Variants in MEIKIN observed in about 807,000 individuals in gnomAD.
The protein encoded by MEIKIN is meiosis-specific kinetochore protein.
intron 8 of MEIKIN, among the ~76,000 whole-genome samples, chr5:131,909,007 A>C (rs1435326574): frequency 1.3e-5 from 2 of 152,176 alleles, no homozygotes; most frequent in Non-Finnish European, 2.9e-5. Flanking sequence ...TACCCAAAGC[A>C]ATCTGTAGGT....
At chr5:131,873,493 A>G (rs1441958365) in intron 9 of MEIKIN, among the ~76,000 whole-genome samples, 3 of 152,218 alleles carry the variant, frequency 2.0e-5, no homozygotes, top group Admixed American at 1.3e-4. Flanking sequence ...ACCCAGATTC[A>G]TAAAGCAAGT....
At position 131,865,440 on chromosome 5, in the gene MEIKIN, C is replaced by T. The variant is rs185331951; in HGVS notation, c.775-10606G>A. Among the ~76,000 whole-genome samples, 644 of 152,242 alleles carry T rather than the reference C, an allele frequency of 4.2e-3. 3 individuals carry two copies. Among genetic ancestry groups the T allele is most frequent in the Middle Eastern group, 0.02 (6 of 294 alleles). On this transcript the variant is annotated intron_variant, in intron 9 of 12. Coordinates refer to ENST00000442687, the MANE Select transcript of MEIKIN (RefSeq NM_001303622.2). ...TTCACCATGTTAGCCAGAATGGTCT[C>T]GATCTCCTGACCTTGTGTTCCGCCC...
intron 5 of MEIKIN, among the ~76,000 whole-genome samples, chr5:131,931,173 TTTG>T (rs1359161120): frequency 2.6e-5 from 4 of 152,336 alleles, no homozygotes; most frequent in Non-Finnish European, 4.4e-5. Context: ...AACCACCGTC[TTTG>T]TTGTTATCAG....
At chr5:131,945,297 T>TC (rs1751943375) in intron 1 of MEIKIN, 48 bp from the exon 2 acceptor site, 1 of 399,074 alleles carries the variant, frequency 2.5e-6, no homozygotes, top group Non-Finnish European at 4.4e-6. Context: ...CCCACCGGCT[T>TC]CGGGGGGGTC....
chr5:131,905,467 GA>G (rs944471064), intron 8 of MEIKIN, among the ~76,000 whole-genome samples: 2 of 151,188 alleles, frequency 1.3e-5, no homozygotes, highest in African/African-American at 2.4e-5. Flanking sequence ...AAACTAAGAT[GA>G]AAAAAAACAT....
At chr5:131,830,793 G>A (rs1480760775) in intron 11 of MEIKIN, among the ~76,000 whole-genome samples, 4 of 152,216 alleles carry the variant, frequency 2.6e-5, no homozygotes, top group Non-Finnish European at 5.9e-5. Flanking sequence ...CAAGAGATGA[G>A]TGGAAGTCTG....
chr5:131,815,260 A>G (rs1773081503), intron 12 of MEIKIN, among the ~76,000 whole-genome samples: 1 of 152,170 alleles, frequency 6.6e-6, no homozygotes, highest in Non-Finnish European at 1.5e-5. Context: ...GGATGATGGG[A>G]TGGCCTTTTG....
At chr5:131,855,925 C>T (rs541556008) in intron 9 of MEIKIN, among the ~76,000 whole-genome samples, 2 of 152,288 alleles carry the variant, frequency 1.3e-5, no homozygotes, top group Middle Eastern at 3.4e-3. Context: ...GCTGCCTTTT[C>T]GGCCTTTAGA....
intron 8 of MEIKIN, among the ~76,000 whole-genome samples, chr5:131,896,213 T>A (rs1459995608): frequency 6.6e-6 from 1 of 152,218 alleles, no homozygotes; most frequent in Non-Finnish European, 1.5e-5. Context: ...AGTTTCTTAA[T>A]CATGAGTTCT....
At position 131,807,100 on chromosome 5, in the gene MEIKIN, A is replaced by C; in HGVS notation, c.*136T>G. ...ACAAGAACCTCAGTAGAATTTCAAC[A>C]TAGAGATATATCACAAATAACTGGA... On this transcript the variant is annotated 3_prime_UTR_variant, in exon 13 of 13. Transcript: ENST00000442687. 2 of 395,100 alleles carry C rather than the reference A, an allele frequency of 5.1e-6. No homozygotes were observed. Among genetic ancestry groups the C allele is most frequent in the Middle Eastern group, 1.3e-3 (2 of 1,566 alleles). The allele number at this position is 395,100 out of a possible 1,614,324, so 24.5% of individuals were successfully genotyped here. A position where few individuals can be genotyped will look rare whatever the true frequency, so the allele number is the denominator to read the frequency against.
chr5:131,892,426 T>G (rs1237150885), intron 8 of MEIKIN, among the ~76,000 whole-genome samples: 1 of 152,228 alleles, frequency 6.6e-6, no homozygotes, highest in Non-Finnish European at 1.5e-5. Flanking sequence ...TTTTATTCTT[T>G]TTTCTCTAAA....
intron 8 of MEIKIN, among the ~76,000 whole-genome samples, chr5:131,908,763 G>A (rs1751286179): frequency 6.6e-6 from 1 of 152,154 alleles, no homozygotes; most frequent in Non-Finnish European, 1.5e-5. Context: ...ATAAAAATCA[G>A]TGGCATTTTC....
intron 8 of MEIKIN, among the ~76,000 whole-genome samples, chr5:131,893,145 G>A (rs1750963465): frequency 6.6e-6 from 1 of 151,082 alleles, no homozygotes; most frequent in African/African-American, 2.4e-5. Flanking sequence ...TAAGTCTGCA[G>A]AGGTTACTGC....
chr5:131,860,449 G>T (rs75374027), intron 9 of MEIKIN, among the ~76,000 whole-genome samples: 3,786 of 150,052 alleles, frequency 0.025, 155 homozygotes, highest in African/African-American at 0.088. Flanking sequence ...TGTTTTTTTT[G>T]TTTGTTTGTT....
chr5:131,924,393 T>A (rs750158654), intron 5 of MEIKIN, among the ~76,000 whole-genome samples: 3 of 152,160 alleles, frequency 2.0e-5, no homozygotes, highest in Non-Finnish European at 2.9e-5. Flanking sequence ...TAGAGACACC[T>A]CCATACTGTT....
intron 11 of MEIKIN, among the ~76,000 whole-genome samples, chr5:131,845,972 A>ACACTT (rs1337034388): frequency 6.6e-6 from 1 of 152,232 alleles, no homozygotes; most frequent in Non-Finnish European, 1.5e-5. Flanking sequence ...AAAGACACCC[A>ACACTT]CACTTATTAT....
chr5:131,880,771 T>A (rs1750691117), intron 8 of MEIKIN, among the ~76,000 whole-genome samples: 1 of 152,234 alleles, frequency 6.6e-6, no homozygotes, highest in Non-Finnish European at 1.5e-5. Context: ...GACCTGTGTA[T>A]TTCTTATGTA....
chr5:131,898,811 T>G (rs1328123559), intron 8 of MEIKIN, among the ~76,000 whole-genome samples: 1 of 152,168 alleles, frequency 6.6e-6, no homozygotes, highest in Non-Finnish European at 1.5e-5. Flanking sequence ...GAGTGTCCCG[T>G]TTTTCCATGT....
chr5:131,890,846 G>A (rs1469946891), intron 8 of MEIKIN, among the ~76,000 whole-genome samples: 2 of 151,962 alleles, frequency 1.3e-5, no homozygotes, highest in Non-Finnish European at 2.9e-5. Flanking sequence ...TTTCTCTTGT[G>A]GGCATTTAGT....
Sources: allele counts gnomAD v4.1 joint callset (sites outside exome capture counted in the v4.1 genomes callset), GRCh38; gene constraint gnomAD v4.1.1; transcripts MANE v1.5; gene names NCBI Gene and HGNC (gene_info 2026-07-23, HGNC 2026-07-21).